TPO: variants seen among roughly 807,000 people sequenced by gnomAD.
The protein encoded by TPO is thyroid peroxidase, also known as thyroid microsomal antigen.
In TPO, 78 loss-of-function variants were observed where a neutral mutation model predicts 96.9. The ratio of observed to expected loss-of-function variants is 0.81; its 90% CI spans 0.67 to 0.97. TPO has a LOEUF of 0.97. TPO is among the 50% of genes least tolerant of loss of function. The probability of loss-of-function intolerance (pLI) is 0.00; values close to 1 mark genes in which losing one functional copy is unlikely to be tolerated. For missense variants in TPO, 1,252 were observed against 1,274.8 expected (o/e 0.98, Z 0.27); for synonymous variants, 547 against 538.0 (o/e 1.02, Z -0.23).
chr2:1,420,098 A>C (rs1399714400), intron 2 of TPO, among the ~76,000 whole-genome samples: 1 of 152,220 alleles, frequency 6.6e-6, no homozygotes, highest in Non-Finnish European at 1.5e-5. Context: ...TATTTTATGA[A>C]ACTTAAAAGA....
At chr2:1,394,411 C>G (rs1037377684) in intron 1 of TPO, among the ~76,000 whole-genome samples, 1 of 152,318 alleles carries the variant, frequency 6.6e-6, no homozygotes, top group East Asian at 1.9e-4. Flanking sequence ...TCTGCCAAGA[C>G]CTCAAAATAC....
chr2:1,526,999 C>A (rs1194287585), intron 15 of TPO, among the ~76,000 whole-genome samples: 1 of 144,642 alleles, frequency 6.9e-6, no homozygotes, highest in African/African-American at 2.7e-5. Flanking sequence ...TGTGCAACCT[C>A]CTCAAATCCC....
rs1665246586 is a variant in TPO, at chr2:1,433,585, T to G, written c.327T>G (p.Thr109=). The change falls in exon 4 of 17, where the codon ACT becomes ACG. Residue 109 remains threonine (T), a synonymous_variant. Transcript: ENST00000329066. ...TGAAAAGAAAAGTCAACCTGAAAAC[T>G]CAACAATCACAGCATCCAACGGGTA... ...QAMKRKVNLK[T]QQSQHPTDAL... 4 of 1,613,848 alleles carry G rather than the reference T, an allele frequency of 2.5e-6. No homozygotes were observed. The highest frequency in any genetic ancestry group is 3.4e-6 in the Non-Finnish European group (4 of 1,179,992).
chr2:1,382,246 C>CA (rs1244666429), intron 1 of TPO, among the ~76,000 whole-genome samples: 1 of 152,186 alleles, frequency 6.6e-6, no homozygotes, highest in Non-Finnish European at 1.5e-5. Flanking sequence ...CTGCGGCAAA[C>CA]AGCTCCCAAG....
chr2:1,414,274 G>A, intron 1 of TPO, 134 bp from the exon 2 acceptor site: 2 of 841,108 alleles, frequency 2.4e-6, no homozygotes, highest in Non-Finnish European at 3.9e-6. Flanking sequence ...CCAGGCCTGT[G>A]AGGGTCGCTC....
At chr2:1,486,015 A>G (rs1396798822) in intron 9 of TPO, among the ~76,000 whole-genome samples, 1 of 152,124 alleles carries the variant, frequency 6.6e-6, no homozygotes, top group African/African-American at 2.4e-5. Flanking sequence ...GTTTTCTTCT[A>G]GGGTTTTTAC....
intron 1 of TPO, among the ~76,000 whole-genome samples, chr2:1,387,951 C>T (rs1269311923): frequency 6.6e-6 from 1 of 152,214 alleles, no homozygotes; most frequent in East Asian, 1.9e-4. Context: ...AGCTGCAGGT[C>T]TGTTGGAGTT....
intron 7 of TPO, among the ~76,000 whole-genome samples, chr2:1,469,342 A>T (rs1669173539): frequency 6.6e-6 from 1 of 152,198 alleles, no homozygotes; most frequent in Admixed American, 6.5e-5. Context: ...AGTCTCTGTC[A>T]GAGGGAAGGT....
chr2:1,483,050 G>A (rs1670796802), intron 8 of TPO, among the ~76,000 whole-genome samples: 1 of 152,210 alleles, frequency 6.6e-6, no homozygotes. Flanking sequence ...ACGGCTCCCA[G>A]GGGAGGCTGC....
chr2:1,395,030 T>TG (rs1553292263), intron 1 of TPO, among the ~76,000 whole-genome samples: 16,361 of 123,268 alleles, frequency 0.13, 1,730 homozygotes, highest in African/African-American at 0.37. Flanking sequence ...TTTTCTAGGA[T>TG]GAAAAAAAAT....
chr2:1,393,094 G>C (rs1421600762), intron 1 of TPO, among the ~76,000 whole-genome samples: 1 of 152,202 alleles, frequency 6.6e-6, no homozygotes, highest in Non-Finnish European at 1.5e-5. Flanking sequence ...TCACTGACTT[G>C]TGGTTCTGTA....
intron 7 of TPO, among the ~76,000 whole-genome samples, chr2:1,457,850 G>A (rs1484853691): frequency 6.6e-6 from 1 of 151,990 alleles, no homozygotes; most frequent in Non-Finnish European, 1.5e-5. Flanking sequence ...ATTATGTGTG[G>A]GCATGTGTAT....
intron 1 of TPO, among the ~76,000 whole-genome samples, chr2:1,379,469 C>T (rs1286114613): frequency 6.6e-6 from 1 of 152,142 alleles, no homozygotes; most frequent in Non-Finnish European, 1.5e-5. Context: ...CACGAGTCAC[C>T]TTGGAATTCA....
At chr2:1,382,284 C>T (rs576603440) in intron 1 of TPO, among the ~76,000 whole-genome samples, 1 of 152,268 alleles carries the variant, frequency 6.6e-6, no homozygotes, top group Admixed American at 6.5e-5. Flanking sequence ...ATATTCCTGG[C>T]TGGGCAGCTC....
intron 12 of TPO, among the ~76,000 whole-genome samples, 168 bp downstream of exon 12, chr2:1,496,365 C>CGGGG: frequency 6.6e-6 from 1 of 152,010 alleles, no homozygotes; most frequent in African/African-American, 2.4e-5. Flanking sequence ...CGGGGCGGGG[C>CGGGG]CCTTCTCTAG....
intron 1 of TPO, among the ~76,000 whole-genome samples, chr2:1,392,344 G>T (rs1662014370): frequency 6.6e-6 from 1 of 152,174 alleles, no homozygotes; most frequent in Non-Finnish European, 1.5e-5. Flanking sequence ...TTGCATCCCA[G>T]GGATGAAGCC....
At chr2:1,449,447 C>T (rs115415215) in intron 5 of TPO, among the ~76,000 whole-genome samples, 13 of 152,162 alleles carry the variant, frequency 8.5e-5, no homozygotes, top group African/African-American at 3.1e-4. Flanking sequence ...CAGGGAGAGA[C>T]CTGATGGAGT....
intron 15 of TPO, among the ~76,000 whole-genome samples, chr2:1,525,034 C>G (rs1469450447): frequency 3.0e-5 from 2 of 65,896 alleles, no homozygotes; most frequent in Non-Finnish European, 6.0e-5. Flanking sequence ...TCCCCCAACT[C>G]TGTGCAACCT....
chr2:1,451,090 A>G (rs886320687), intron 5 of TPO, among the ~76,000 whole-genome samples: 4 of 152,170 alleles, frequency 2.6e-5, no homozygotes, highest in African/African-American at 7.2e-5. Context: ...TCATCATCCA[A>G]TGTGTCCTGG....
Sources: gnomAD v4.1 joint callset for allele counts (sites outside exome capture counted in the v4.1 genomes callset) on GRCh38, gnomAD v4.1.1 for gene constraint, MANE v1.5 for transcripts, NCBI Gene and HGNC (gene_info 2026-07-23, HGNC 2026-07-21) for gene names.